VPS13A: variants seen among roughly 807,000 people sequenced by gnomAD.
The protein encoded by VPS13A is vacuolar protein sorting 13 homolog A.
In VPS13A, 264 loss-of-function variants were observed where a neutral mutation model predicts 390.9. That is an observed-to-expected ratio of 0.68 (90% CI 0.61 to 0.75). The LOEUF (loss-of-function observed/expected upper bound fraction) is 0.75, where lower values mean the gene tolerates loss of function less well. VPS13A is among the 30% of genes least tolerant of loss of function. The pLI, the probability that VPS13A is intolerant of heterozygous loss-of-function variation, is 0.00. For synonymous variants in VPS13A, 1,231 were observed against 1,227.1 expected (o/e 1.00, Z -0.07); for missense variants, 3,409 against 3,733.9 (o/e 0.91, Z 2.27).
chr9:77,353,586 A>G lies in VPS13A; in HGVS notation c.7597A>G (p.Ile2533Val), dbSNP rs370050744. ...TGCAGTGGCATTACAAGATGTTGGA[A>G]TTTCTCTTGTCAACAATTACACGAA... is the stretch of plus-strand genomic sequence containing the variant. Reference protein sequence around the residue: ...EIAVALQDVGISLVNNYTKQE... With the variant: ...EIAVALQDVGVSLVNNYTKQE... The change falls in exon 54 of 72, where the codon ATT becomes GTT. Residue 2533 changes from isoleucine (I) to valine (V), a missense_variant. Coordinates refer to ENST00000360280, the MANE Select transcript of VPS13A (RefSeq NM_033305.3). 1 of 1,613,436 alleles carries G rather than the reference A, an allele frequency of 6.2e-7. No individual in the cohort carries two copies. The highest frequency in any genetic ancestry group is 8.5e-7 in the Non-Finnish European group (1 of 1,179,650).
Position 77,405,868 on chromosome 9 carries a change from G to A in VPS13A, c.9280G>A (p.Val3094Ile). Residue 3094 changes from valine (V) to isoleucine (I), a missense_variant, in exon 70 of 72, where the codon GTA becomes ATA. This residue lies in a region of VPS13A where 318 missense variants were observed against 333.7 expected (regional missense o/e 0.95). Coordinates refer to ENST00000360280, the MANE Select transcript of VPS13A (RefSeq NM_033305.3). ...TTTTTGTTTTTCTTTTTGCAGTGGT[G>A]TATTGTTTGTAACAAAGGGAACATT... ...TDMLMITRRG[V>I]LFVTKGTFGQ... 6.2e-7 allele frequency: 1 copy of A among 1,613,436 alleles called. No homozygotes were observed. Among genetic ancestry groups the A allele is most frequent in the South Asian group, 1.1e-5 (1 of 91,080 alleles).
At chr9:77,308,551 A>G (rs750976374) in intron 35 of VPS13A, among the ~76,000 whole-genome samples, 20 of 152,300 alleles carry the variant, frequency 1.3e-4, no homozygotes, top group Middle Eastern at 6.8e-3. Flanking sequence ...GAGGATGATC[A>G]TTAGTAGATG....
In VPS13A at chr9:77,406,256, A is replaced by G. The variant is rs1319359385; in HGVS notation, c.9399+269A>G. Among the ~76,000 whole-genome samples the G allele has an allele frequency of 3.3e-5, 5 of 152,188 alleles. No individual in the cohort carries two copies. The South Asian group carries it at 6.2e-4, about 19-fold the overall frequency. Reference sequence around the variant, plus strand: ...CAGTAACAGAGCCCCACCTTCCCACATATGAAATAATGGATAGTGGCTATT... The same window carrying G: ...CAGTAACAGAGCCCCACCTTCCCACGTATGAAATAATGGATAGTGGCTATT... On this transcript the variant is annotated intron_variant, in intron 70 of 71. Transcript: ENST00000360280.
chr9:77,404,698 A>ATTAG (rs1488741263), intron 69 of VPS13A, among the ~76,000 whole-genome samples: 1 of 152,212 alleles, frequency 6.6e-6, no homozygotes, highest in Non-Finnish European at 1.5e-5. Context: ...AGGGAAGTGA[A>ATTAG]TTAGTTGTAG....
In VPS13A at chr9:77,382,872, C is replaced by T. The variant is rs978006627; in HGVS notation, c.9189+785C>T. ...AGAATCTGCTTAGACAACTTTCTTA[C>T]TTGGTAAATTCGACTTTTTAAAACC... On this transcript the variant is annotated intron_variant, in intron 68 of 71. Coordinates refer to ENST00000360280, the MANE Select transcript of VPS13A (RefSeq NM_033305.3). 4 of 985,236 alleles carry T rather than the reference C, an allele frequency of 4.1e-6. No individual in the cohort carries two copies. In the African/African-American group the frequency reaches 5.2e-5, roughly 13 times the overall value. 61.0% of individuals were successfully genotyped at this position (985,236 alleles called of 1,614,324 possible).
chr9:77,374,044 T>C (rs572598001), intron 67 of VPS13A, among the ~76,000 whole-genome samples: 1 of 152,212 alleles, frequency 6.6e-6, no homozygotes, highest in Non-Finnish European at 1.5e-5. Context: ...AATTATAAAA[T>C]TAGCAAATAT....
intron 52 of VPS13A, among the ~76,000 whole-genome samples, chr9:77,346,653 A>G (rs1289396889): frequency 2.0e-5 from 3 of 152,190 alleles, no homozygotes; most frequent in East Asian, 3.8e-4. Context: ...TTATGGTTTC[A>G]GGTTCTACAT....
chr9:77,275,971 G>T, intron 25 of VPS13A, 94 bp from the exon 26 acceptor site: 3 of 1,266,272 alleles, frequency 2.4e-6, no homozygotes, highest in Non-Finnish European at 3.4e-6. Flanking sequence ...TATATCAATT[G>T]TATGTATACC....
chr9:77,337,200 G>C, intron 46 of VPS13A, 55 bp from the exon 47 acceptor site: 1 of 1,504,098 alleles, frequency 6.6e-7, no homozygotes, highest in Non-Finnish European at 9.0e-7. Flanking sequence ...TAATTATATA[G>C]TTTAATATGT....
intron 52 of VPS13A, among the ~76,000 whole-genome samples, chr9:77,350,715 A>G (rs116325253): frequency 0.026 from 3,967 of 152,162 alleles, 124 homozygotes; most frequent in African/African-American, 0.075. Context: ...TCTTACAAAG[A>G]TATGTCTAGA....
chr9:77,252,193 G>T, intron 21 of VPS13A, 42 bp from the exon 22 acceptor site: 1 of 1,464,098 alleles, frequency 6.8e-7, no homozygotes, highest in Non-Finnish European at 9.6e-7. Flanking sequence ...TAGGTTTTGT[G>T]TGTTATAGTT....
chr9:77,391,945 G>A (rs1364249816), intron 68 of VPS13A, among the ~76,000 whole-genome samples: 1 of 152,180 alleles, frequency 6.6e-6, no homozygotes, highest in Non-Finnish European at 1.5e-5. Context: ...AGATAGTAGA[G>A]TTACAGCCCT....
chr9:77,259,400 A>C (rs1825632631), intron 22 of VPS13A, among the ~76,000 whole-genome samples: 2 of 152,228 alleles, frequency 1.3e-5, no homozygotes, highest in Non-Finnish European at 2.9e-5. Flanking sequence ...GGTATTGGAA[A>C]TAAAAGAAAG....
chr9:77,207,216 TATATA>T (rs1825690811), intron 5 of VPS13A, among the ~76,000 whole-genome samples: 7 of 44,058 alleles, frequency 1.6e-4, no homozygotes, highest in South Asian at 9.1e-4. Context: ...TTAGATATTA[TATATA>T]TATATATATA....
At chr9:77,393,889 C>T (rs1834005597) in intron 68 of VPS13A, among the ~76,000 whole-genome samples, 1 of 152,136 alleles carries the variant, frequency 6.6e-6, no homozygotes, top group South Asian at 2.1e-4. Context: ...CTGTCTCGGC[C>T]TCCTGAGTAG....
intron 67 of VPS13A, among the ~76,000 whole-genome samples, chr9:77,377,471 G>A (rs1042359964): frequency 3.3e-5 from 5 of 151,910 alleles, no homozygotes; most frequent in Non-Finnish European, 7.4e-5. Flanking sequence ...CACCCGCCTC[G>A]GCCTCCCAAA....
chr9:77,354,414 AATAG>A (rs1466507431), intron 54 of VPS13A, among the ~76,000 whole-genome samples: 7 of 152,118 alleles, frequency 4.6e-5, no homozygotes, highest in Non-Finnish European at 1.0e-4. Context: ...TTACTATTTA[AATAG>A]ATCAAATACA....
intron 52 of VPS13A, among the ~76,000 whole-genome samples, chr9:77,350,701 A>G (rs965353134): frequency 4.6e-5 from 7 of 151,902 alleles, no homozygotes; most frequent in South Asian, 2.1e-4. Context: ...TTTCCCCCCT[A>G]TTTTCTTACA....
chr9:77,321,235 G>C lies in VPS13A; in HGVS notation c.5482G>C (p.Glu1828Gln), dbSNP rs1360616102. 1.2e-6 allele frequency: 2 copies of C among 1,612,388 alleles called. No individual in the cohort carries two copies. Among genetic ancestry groups the C allele is most frequent in the African/African-American group, 1.3e-5 (1 of 74,956 alleles). Residue 1828 changes from glutamate to glutamine, a missense_variant, in exon 43 of 72, where the codon GAA becomes CAA. Glu to Gln is a conservative substitution (Grantham distance 29). This residue lies in a region of VPS13A where 2,717 missense variants were observed against 2,917.4 expected (regional missense o/e 0.93). Transcript: ENST00000360280. ...DPEEENYKVP[E>Q]YKTVISFHSK... ...TGAAGAAGAAAACTACAAAGTGCCAGAATATAAAACTGTCATCAGTTTCCA... is the reference window on the plus strand; with the variant it reads ...TGAAGAAGAAAACTACAAAGTGCCACAATATAAAACTGTCATCAGTTTCCA...
Sources: gnomAD v4.1 joint callset for allele counts (sites outside exome capture counted in the v4.1 genomes callset) on GRCh38, gnomAD v4.1.1 for gene constraint, gnomAD v4.1.1 regional missense constraint, MANE v1.5 for transcripts, NCBI Gene and HGNC (gene_info 2026-07-23, HGNC 2026-07-21) for gene names.